The following GABRB1 variants were observed in gnomAD, a reference collection of about 807,000 sequenced individuals.
GABRB1 encodes gamma-aminobutyric acid receptor subunit beta-1.
A neutral mutation model predicts 51.6 loss-of-function variants in GABRB1; 17 were observed. The ratio of observed to expected loss-of-function variants is 0.33; its 90% CI spans 0.23 to 0.49. GABRB1 has a LOEUF of 0.49. Ranked by LOEUF, GABRB1 falls within the 20% of genes least tolerant of loss-of-function variation. The pLI is 0.99. For synonymous variants in GABRB1, 247 were observed against 218.9 expected (o/e 1.13, Z -1.14); for missense variants, 410 against 600.6 (o/e 0.68, Z 3.32).
chr4:47,002,996 G>A (rs76955246), intron 1 of GABRB1, among the ~76,000 whole-genome samples: 2,817 of 152,284 alleles, frequency 0.018, 35 homozygotes, highest in Non-Finnish European at 0.026. Flanking sequence ...TTATTTATTG[G>A]AAACAGTTTA....
At chr4:47,054,000 A>T (rs949007796) in intron 3 of GABRB1, among the ~76,000 whole-genome samples, 2 of 152,048 alleles carry the variant, frequency 1.3e-5, no homozygotes, top group African/African-American at 4.8e-5. Context: ...TACTTTTCCT[A>T]TCCTTTAATA....
intron 5 of GABRB1, among the ~76,000 whole-genome samples, chr4:47,389,433 A>G (rs1054080152): frequency 6.6e-6 from 1 of 152,188 alleles, no homozygotes; most frequent in African/African-American, 2.4e-5. Context: ...ACCGTTGAAA[A>G]TGTTCTCTCA....
intron 4 of GABRB1, among the ~76,000 whole-genome samples, chr4:47,241,336 C>G (rs556573175): frequency 8.5e-5 from 13 of 152,160 alleles, no homozygotes; most frequent in African/African-American, 2.9e-4. Context: ...TCCCCCTACC[C>G]CCTTACAGTA....
intron 3 of GABRB1, among the ~76,000 whole-genome samples, chr4:47,123,074 C>G (rs1715851668): frequency 6.6e-6 from 1 of 151,912 alleles, no homozygotes; most frequent in South Asian, 2.1e-4. Context: ...AGATGTACAA[C>G]TCATTTTCTC....
intron 4 of GABRB1, among the ~76,000 whole-genome samples, chr4:47,303,911 G>A (rs1159122273): frequency 6.6e-6 from 1 of 151,902 alleles, no homozygotes; most frequent in Admixed American, 6.6e-5. Flanking sequence ...AAATCATGTG[G>A]CATTTGTCGT....
intron 3 of GABRB1, among the ~76,000 whole-genome samples, chr4:47,035,424 A>G (rs1162072851): frequency 9.9e-5 from 15 of 152,210 alleles, no homozygotes; most frequent in Admixed American, 9.8e-4. Flanking sequence ...CGATGTAGAT[A>G]AACATATCTA....
chr4:47,001,744 A>G (rs1338049822), intron 1 of GABRB1, among the ~76,000 whole-genome samples: 1 of 152,232 alleles, frequency 6.6e-6, no homozygotes, highest in African/African-American at 2.4e-5. Context: ...TTCTACAGAT[A>G]GAATAATCTA....
At chr4:47,204,534 G>A (rs1278473881) in intron 4 of GABRB1, among the ~76,000 whole-genome samples, 2 of 151,964 alleles carry the variant, frequency 1.3e-5, no homozygotes, top group East Asian at 3.9e-4. Context: ...ATATGATTTG[G>A]CTCTGTGTCC....
chr4:47,033,750 T>A (rs12108590), intron 3 of GABRB1, among the ~76,000 whole-genome samples: 75,264 of 152,018 alleles, frequency 0.5, 18,803 homozygotes, highest in Non-Finnish European at 0.53. Flanking sequence ...AAAGTGTGAC[T>A]ATTTAATTTC....
chr4:47,164,809 C>T (rs1718103955), intron 4 of GABRB1, among the ~76,000 whole-genome samples: 1 of 152,072 alleles, frequency 6.6e-6, no homozygotes, highest in South Asian at 2.1e-4. Context: ...AACACTCTGA[C>T]ATAACAGAAT....
chr4:47,407,232 G>C (rs979257563), intron 8 of GABRB1, among the ~76,000 whole-genome samples: 4 of 152,176 alleles, frequency 2.6e-5, no homozygotes, highest in African/African-American at 9.7e-5. Context: ...GAACTAAAGT[G>C]AATATACATT....
intron 8 of GABRB1, among the ~76,000 whole-genome samples, chr4:47,424,119 C>G (rs915367370): frequency 3.3e-5 from 5 of 152,190 alleles, no homozygotes; most frequent in Non-Finnish European, 7.3e-5. Context: ...CGCCATTTCT[C>G]TCTCCAACCA....
At chr4:47,035,210 C>A (rs1391699355) in intron 3 of GABRB1, among the ~76,000 whole-genome samples, 1 of 152,018 alleles carries the variant, frequency 6.6e-6, no homozygotes, top group Non-Finnish European at 1.5e-5. Flanking sequence ...AAAATATAAT[C>A]CCTGATTGGT....
At chr4:47,259,583 C>T (rs1560302126) in intron 4 of GABRB1, among the ~76,000 whole-genome samples, 1 of 152,060 alleles carries the variant, frequency 6.6e-6, no homozygotes, top group Non-Finnish European at 1.5e-5. Flanking sequence ...ACAAAATAGG[C>T]ATTATTAACA....
At chr4:47,212,836 T>C (rs1720416491) in intron 4 of GABRB1, among the ~76,000 whole-genome samples, 1 of 151,888 alleles carries the variant, frequency 6.6e-6, no homozygotes, top group South Asian at 2.1e-4. Context: ...GTCCCCAATA[T>C]CCCCCAACAA....
intron 4 of GABRB1, among the ~76,000 whole-genome samples, chr4:47,247,674 G>A (rs750834764): frequency 7.9e-5 from 12 of 151,926 alleles, no homozygotes; most frequent in East Asian, 1.9e-4. Context: ...GTTTCCGTTC[G>A]TGTCATCTAT....
chr4:47,026,326 C>A (rs1725092563), intron 1 of GABRB1, among the ~76,000 whole-genome samples: 1 of 151,852 alleles, frequency 6.6e-6, no homozygotes, highest in Non-Finnish European at 1.5e-5. Flanking sequence ...TTTATATGTT[C>A]AGCTGGAAAG....
At chr4:47,210,758 G>C (rs1720322613) in intron 4 of GABRB1, among the ~76,000 whole-genome samples, 1 of 152,136 alleles carries the variant, frequency 6.6e-6, no homozygotes, top group South Asian at 2.1e-4. Flanking sequence ...AGTTGTTAAA[G>C]ACATAGAGAA....
At chr4:47,085,025 A>G (rs1728004932) in intron 3 of GABRB1, among the ~76,000 whole-genome samples, 1 of 152,196 alleles carries the variant, frequency 6.6e-6, no homozygotes, top group Non-Finnish European at 1.5e-5. Context: ...TGGGACCATG[A>G]GCAAGTTATT....
Sources: gnomAD v4.1 joint callset for allele counts (sites outside exome capture counted in the v4.1 genomes callset) on GRCh38, gnomAD v4.1.1 for gene constraint, MANE v1.5 for transcripts, NCBI Gene and HGNC (gene_info 2026-07-23, HGNC 2026-07-21) for gene names.